The following SLC5A5 variants were observed in gnomAD, a reference collection of about 807,000 sequenced individuals.
SLC5A5 encodes the protein sodium/iodide cotransporter.
In SLC5A5, 56 loss-of-function variants were observed where a neutral mutation model predicts 68.6. That is an observed-to-expected ratio of 0.82 (90% confidence interval 0.66 to 1.02). The LOEUF (loss-of-function observed/expected upper bound fraction) is 1.02, where lower values mean the gene tolerates loss of function less well. SLC5A5 is among the 50% of genes least tolerant of loss of function. The probability of loss-of-function intolerance (pLI) is 0.00; values close to 1 mark genes in which losing one functional copy is unlikely to be tolerated. For missense variants in SLC5A5, 807 were observed against 859.8 expected, an observed-to-expected ratio of 0.94 and a Z score of 0.77; for synonymous variants, 398 against 373.0, an observed-to-expected ratio of 1.07 and a Z score of -0.77.
chr19:17,892,372 AC>A (rs1276184100), intron 14 of SLC5A5, among the ~76,000 whole-genome samples: 1 of 151,818 alleles, frequency 6.6e-6, no homozygotes, highest in African/African-American at 2.4e-5. Flanking sequence ...GTGATGGCTC[AC>A]CCCTGTAATC....
At chr19:17,874,593 GGGAGA>G (rs1568418986) in intron 3 of SLC5A5, 48 bp downstream of exon 3, 1 of 1,612,948 alleles carries the variant, frequency 6.2e-7, no homozygotes, top group South Asian at 1.1e-5. Context: ...GAGAAAGGGA[GGGAGA>G]GGAGAACCCA....
In SLC5A5 at chr19:17,882,077, GTT is replaced by G. The variant is rs1260107706; in HGVS notation, c.1171+7_1171+8del. 6.2e-7 allele frequency: 1 copy of G among 1,613,534 alleles called. No homozygotes were observed. The highest frequency in any genetic ancestry group is 1.7e-5 in the Admixed American group (1 of 60,016). Reference sequence around the variant, plus strand: ...TGATTATCTCCAAGGGGCTCTGTGAGTTTCAGGGAGACCTGGGTGGGAGGCCA... The same window carrying G: ...TGATTATCTCCAAGGGGCTCTGTGAGTCAGGGAGACCTGGGTGGGAGGCCA... On this transcript the variant is annotated splice_donor_region_variant and intron_variant, in intron 9 of 14. Transcript: ENST00000222248.
chr19:17,891,752 G>A (rs897627501), intron 14 of SLC5A5, among the ~76,000 whole-genome samples: 2 of 152,302 alleles, frequency 1.3e-5, no homozygotes, highest in South Asian at 2.1e-4. Flanking sequence ...CTAAAACCGC[G>A]TGGTTGCTTT....
intron 13 of SLC5A5, among the ~76,000 whole-genome samples, chr19:17,889,444 AAGAGAAAGAGAGAGAGAGAGAAGG>A (rs1433249024): frequency 6.7e-6 from 1 of 149,076 alleles, no homozygotes; most frequent in Non-Finnish European, 1.5e-5. Flanking sequence ...GAAGGAAGGA[AAGAGAAAGAGAGAGAGAGAGAAGG>A]AGAGAAAGAG....
chr19:17,878,005 C>T lies in SLC5A5; in HGVS notation c.881C>T (p.Ser294Phe). 6.2e-7 allele frequency: 1 copy of T among 1,613,470 alleles called. No homozygotes were observed. Among genetic ancestry groups the T allele is most frequent in the Non-Finnish European group, 8.5e-7 (1 of 1,180,020 alleles). The change falls in exon 7 of 15, where the codon TCC becomes TTC. Residue 294 changes from serine to phenylalanine, a missense_variant. Ser to Phe is a radical substitution (Grantham distance 155). Coordinates refer to ENST00000222248, the MANE Select transcript of SLC5A5 (RefSeq NM_000453.3). ...INQVGLFLIVSSAACCGIVMF... is the reference protein window; with the variant it reads ...INQVGLFLIVFSAACCGIVMF... The stretch of plus-strand genomic sequence containing the variant: ...CAGGTCGGCCTGTTCCTGATCGTGT[C>T]CAGCGCTGCCTGCTGTGGCATCGTC...
chr19:17,880,916 G>T lies in SLC5A5; in HGVS notation c.1021G>T (p.Gly341Trp). ...CTTCGAAGATCTGCCTGGAGTCCCC[G>T]GGCTTTTCCTGGCCTGTGCTTACAG... ...DIFEDLPGVP[G>W]LFLACAYSGT... Residue 341 changes from glycine (G) to tryptophan (W), a missense_variant, in exon 8 of 15, where the codon GGG (glycine) becomes TGG (tryptophan). Gly to Trp is a radical substitution (Grantham distance 184). Transcript: ENST00000222248. The T allele has an allele frequency of 6.2e-7, 1 of 1,613,954 alleles. No homozygotes were observed.
intron 8 of SLC5A5, among the ~76,000 whole-genome samples, chr19:17,881,329 C>T (rs571090306): frequency 1.3e-5 from 2 of 151,806 alleles, no homozygotes; most frequent in Non-Finnish European, 2.9e-5. Flanking sequence ...TGCAGTGGTG[C>T]CATCTCGGCT....
chr19:17,871,982 G>A lies in SLC5A5; in HGVS notation c.-338G>A. ...CCCAAGGCGACCTCCAGCTGTCAGC[G>A]CTGAGCACAGCGCCCAGGGAGAGGG... is the stretch of plus-strand genomic sequence containing the variant. On this transcript the variant is annotated 5_prime_UTR_variant, in exon 1 of 15. Transcript: ENST00000222248. 2.8e-6 allele frequency: 1 copy of A among 352,192 alleles called. No individual in the cohort carries two copies. The highest frequency in any genetic ancestry group is 3.2e-5 in the South Asian group (1 of 31,376). 21.8% of individuals were successfully genotyped at this position (352,192 alleles called of 1,614,324 possible). A position where few individuals can be genotyped will look rare whatever the true frequency, so the allele number is the denominator to read the frequency against.
Position 17,877,810 on chromosome 19 carries a change from C to T in SLC5A5, c.786C>T (p.Asn262=). ...TLVWLSMYGV[N]QAQVQRYVAC... is the part of the protein sequence containing the mutation. Reference sequence around the variant, plus strand: ...TGTGGCTCTCCATGTATGGCGTGAACCAGGCGCAGGTGCAGCGCTACGTGG... The same window carrying T: ...TGTGGCTCTCCATGTATGGCGTGAATCAGGCGCAGGTGCAGCGCTACGTGG... The change falls in exon 6 of 15, where the codon AAC becomes AAT. Residue 262 remains asparagine (N), a synonymous_variant. Transcript: ENST00000222248. The T allele has an allele frequency of 6.2e-7, 1 of 1,614,204 alleles. No individual in the cohort carries two copies. The highest frequency in any genetic ancestry group is 1.3e-5 in the African/African-American group (1 of 75,046).
chr19:17,881,847 A>G, intron 8 of SLC5A5, 113 bp from the exon 9 acceptor site: 1 of 773,258 alleles, frequency 1.3e-6, no homozygotes, highest in East Asian at 2.6e-5. Context: ...TCACCTTTGC[A>G]GGACTGGGTT....
At chr19:17,888,617 TATCATCATC>T (rs59801766) in intron 13 of SLC5A5, among the ~76,000 whole-genome samples, 162 bp downstream of exon 13, 2 of 131,494 alleles carry the variant, frequency 1.5e-5, no homozygotes, top group Admixed American at 7.3e-5. Flanking sequence ...TTATTATTAT[TATCATCATC>T]ATCATCATCA....
chr19:17,883,045 C>G (rs529879773), intron 10 of SLC5A5, among the ~76,000 whole-genome samples: 5 of 152,128 alleles, frequency 3.3e-5, no homozygotes, highest in South Asian at 2.1e-4. Context: ...GTCTCGAACT[C>G]CTGACCTCAA....
Position 17,894,135 on chromosome 19 carries a change from C to A in SLC5A5, c.*258C>A. 2.5e-5 allele frequency: 10 copies of A among 402,526 alleles called. No homozygotes were observed. The highest frequency in any genetic ancestry group is 5.2e-5 in the East Asian group (1 of 19,306). The allele number at this position is 402,526 out of a possible 1,614,324, so 24.9% of individuals were successfully genotyped here. On this transcript the variant is annotated 3_prime_UTR_variant, in exon 15 of 15. Transcript: ENST00000222248. ...TCCCCCCAAATAAGGCTGGGTTTTTCTCTCTCTCTTTTTTTTTTTTTTTTT... is the reference window on the plus strand; with the variant it reads ...TCCCCCCAAATAAGGCTGGGTTTTTATCTCTCTCTTTTTTTTTTTTTTTTT...
chr19:17,884,724 G>T lies in SLC5A5; in HGVS notation c.1526+678G>T, dbSNP rs564390374. On this transcript the variant is annotated intron_variant, in intron 12 of 14. Coordinates refer to ENST00000222248, the MANE Select transcript of SLC5A5 (RefSeq NM_000453.3). ...GGAGGTGGAGGTTGCAGTGAGCTGA[G>T]ATCGCACCACTGTATTCCAGCCTGG... 3.7e-4 allele frequency among the ~76,000 whole-genome samples: 56 copies of T among 151,922 alleles called. 3 individuals carry two copies. The highest frequency in any genetic ancestry group is 1.2e-3 in the African/African-American group (48 of 41,236).
chr19:17,876,583 G>T (rs1374214192), intron 5 of SLC5A5, among the ~76,000 whole-genome samples: 1 of 152,060 alleles, frequency 6.6e-6, no homozygotes, highest in East Asian at 1.9e-4. Context: ...ACAAAATTAG[G>T]CTGGGCGCGG....
At position 17,875,919 on chromosome 19, in the gene SLC5A5, C is replaced by T. The variant is rs377307772; in HGVS notation, c.544-33C>T. On this transcript the variant is annotated intron_variant, in intron 4 of 14. Transcript: ENST00000222248. ...CTGAAGGCCAGGTCCCCCATCTAAC[C>T]GCCCCTCTCCCTCTCTCTGTCCCAT... is the stretch of plus-strand genomic sequence containing the variant. 2.0e-5 allele frequency: 33 copies of T among 1,613,594 alleles called. 2 individuals carry two copies. The highest frequency in any genetic ancestry group is 1.8e-4 in the South Asian group (16 of 91,060).
At chr19:17,888,878 C>T (rs1368988614) in intron 13 of SLC5A5, among the ~76,000 whole-genome samples, 3 of 151,028 alleles carry the variant, frequency 2.0e-5, no homozygotes, top group Non-Finnish European at 4.4e-5. Context: ...ACCTCGGCCT[C>T]GCAAAGTTCT....
chr19:17,892,187 A>G (rs909478817), intron 14 of SLC5A5, among the ~76,000 whole-genome samples: 4 of 151,968 alleles, frequency 2.6e-5, no homozygotes, highest in African/African-American at 9.7e-5. Flanking sequence ...CCAGCTACTC[A>G]GTGGAATGAG....
At chr19:17,876,305 T>TGGTCCCA (rs1436765681) in intron 5 of SLC5A5, among the ~76,000 whole-genome samples, 199 bp downstream of exon 5, 1 of 151,666 alleles carries the variant, frequency 6.6e-6, no homozygotes, top group Admixed American at 6.6e-5. Context: ...GGTGCACCTG[T>TGGTCCCA]GGTCCCAGGT....
Sources: gnomAD v4.1 joint callset for allele counts (sites outside exome capture counted in the v4.1 genomes callset) on GRCh38, gnomAD v4.1.1 for gene constraint, MANE v1.5 for transcripts, NCBI Gene and HGNC (gene_info 2026-07-23, HGNC 2026-07-21) for gene names.